The following LRMDA variants were observed in gnomAD, a reference collection of about 807,000 sequenced individuals.
LRMDA encodes leucine rich melanocyte differentiation associated.
LRMDA carries 18 observed loss-of-function variants against 29.8 expected under a neutral mutation model. The observed-to-expected ratio is 0.60, with a 90% confidence interval of 0.42 to 0.90. The LOEUF (loss-of-function observed/expected upper bound fraction) is 0.90, where lower values mean the gene tolerates loss of function less well. Among genes scored for constraint, LRMDA ranks in the 40% least tolerant of loss-of-function variants. The pLI, the probability that LRMDA is intolerant of heterozygous loss-of-function variation, is 0.00. For missense variants in LRMDA, 273 were observed against 273.9 expected (o/e 1.00, Z 0.02); for synonymous variants, 125 against 109.4 (o/e 1.14, Z -0.89).
chr10:75,837,934 T>A (rs565210907), intron 2 of LRMDA, among the ~76,000 whole-genome samples: 1 of 152,306 alleles, frequency 6.6e-6, no homozygotes, highest in South Asian at 2.1e-4. Flanking sequence ...CTTTTTTTGT[T>A]GTTGGGTAGA....
At chr10:75,608,135 CACAT>C (rs1840982406) in intron 2 of LRMDA, among the ~76,000 whole-genome samples, 2 of 65,688 alleles carry the variant, frequency 3.0e-5, no homozygotes, top group South Asian at 1.2e-3. Flanking sequence ...TATATACACA[CACAT>C]ACACAAAGCA....
rs754798289 is a variant in LRMDA at position 76,557,222 on chromosome 10, G to T, written c.615G>T (p.Lys205Asn). The change falls in exon 7 of 7, where the codon AAG becomes AAT. Residue 205 changes from lysine (K) to asparagine (N), a missense_variant. Coordinates refer to ENST00000611255, the MANE Select transcript of LRMDA (RefSeq NM_001305581.2). ...ELTSHQGVLG[K>N]CRYVYYGKNS... ...TTTTATTTGCAGGTGTCCTGGGGAAGTGTCGCTACGTTTACTATGGGAAAA... is the reference window on the plus strand; with the variant it reads ...TTTTATTTGCAGGTGTCCTGGGGAATTGTCGCTACGTTTACTATGGGAAAA... 2 of 1,614,018 alleles carry T rather than the reference G, an allele frequency of 1.2e-6. No homozygotes were observed. The highest frequency in any genetic ancestry group is 1.7e-6 in the Non-Finnish European group (2 of 1,179,982).
intron 6 of LRMDA, among the ~76,000 whole-genome samples, chr10:76,358,949 T>C (rs973725310): frequency 6.6e-6 from 1 of 152,208 alleles, no homozygotes; most frequent in Admixed American, 6.5e-5. Flanking sequence ...TGGAACTGTG[T>C]GCTCTGCCTC....
chr10:76,073,815 T>C (rs747949896), intron 5 of LRMDA, among the ~76,000 whole-genome samples: 3 of 152,152 alleles, frequency 2.0e-5, no homozygotes, highest in Non-Finnish European at 4.4e-5. Context: ...TAGAGTCTTA[T>C]TGGTGGGTAT....
chr10:76,483,036 T>C (rs1345955318), intron 6 of LRMDA, among the ~76,000 whole-genome samples: 1 of 151,990 alleles, frequency 6.6e-6, no homozygotes, highest in African/African-American at 2.4e-5. Context: ...ATTTCCTCTA[T>C]TGTGAAATGG....
chr10:75,592,997 C>T (rs1840742994), intron 2 of LRMDA, among the ~76,000 whole-genome samples: 1 of 152,076 alleles, frequency 6.6e-6, no homozygotes, highest in South Asian at 2.1e-4. Flanking sequence ...CATCTCCACC[C>T]CCTCCTCCTC....
At chr10:75,524,864 C>T (rs1284616436) in intron 2 of LRMDA, among the ~76,000 whole-genome samples, 3 of 151,836 alleles carry the variant, frequency 2.0e-5, no homozygotes, top group African/African-American at 7.3e-5. Context: ...AGAAAGATAC[C>T]CAAGAAGCCT....
In LRMDA at chr10:75,457,737, C is replaced by T. The variant is rs189380475; in HGVS notation, c.131+19243C>T. 3.4e-3 allele frequency among the ~76,000 whole-genome samples: 520 copies of T among 152,302 alleles called. 21 individuals are homozygous for T. Among genetic ancestry groups the T allele is most frequent in the Admixed American group, 0.033 (503 of 15,292 alleles). ...CTCTTGCTGCTGCCGTTTATCTGGA[C>T]GGCATTTTCCATCAGTTACAGGCAA... On this transcript the variant is annotated intron_variant, in intron 2 of 6. Transcript: ENST00000611255.
intron 6 of LRMDA, among the ~76,000 whole-genome samples, chr10:76,520,791 G>A (rs920274843): frequency 2.6e-5 from 4 of 152,168 alleles, no homozygotes; most frequent in Non-Finnish European, 5.9e-5. Flanking sequence ...TTCTTTGCCA[G>A]GGATATTTTT....
chr10:76,063,284 G>GACATGTCACTT (rs1848731832), intron 5 of LRMDA, among the ~76,000 whole-genome samples: 1 of 152,188 alleles, frequency 6.6e-6, no homozygotes, highest in Non-Finnish European at 1.5e-5. Flanking sequence ...TGTCTTTGAA[G>GACATGTCACTT]ACATGTCACT....
chr10:76,308,466 T>G (rs576975202), intron 5 of LRMDA, among the ~76,000 whole-genome samples: 1 of 152,222 alleles, frequency 6.6e-6, no homozygotes, highest in Admixed American at 6.5e-5. Context: ...TTGTTTCCCC[T>G]CCCAAGACTA....
At chr10:76,406,848 G>C (rs1316421948) in intron 6 of LRMDA, among the ~76,000 whole-genome samples, 4 of 152,104 alleles carry the variant, frequency 2.6e-5, no homozygotes, top group African/African-American at 9.7e-5. Flanking sequence ...GATGGTCTTT[G>C]ATCCTACTCA....
chr10:76,201,362 G>A (rs1045472840), intron 5 of LRMDA, among the ~76,000 whole-genome samples: 1 of 152,154 alleles, frequency 6.6e-6, no homozygotes, highest in African/African-American at 2.4e-5. Flanking sequence ...CAAAGTGCAG[G>A]GATTACAGGC....
chr10:76,178,613 A>C (rs1322459530), intron 5 of LRMDA, among the ~76,000 whole-genome samples: 3 of 152,178 alleles, frequency 2.0e-5, no homozygotes, highest in Non-Finnish European at 4.4e-5. Context: ...GAATAGGAGA[A>C]ACTTCCCTAC....
intron 5 of LRMDA, among the ~76,000 whole-genome samples, chr10:76,090,457 A>G (rs1460540519): frequency 6.6e-6 from 1 of 152,234 alleles, no homozygotes; most frequent in Non-Finnish European, 1.5e-5. Context: ...GCTATGGAAT[A>G]GTATGGTGGT....
chr10:75,798,142 C>A (rs1002928647), intron 2 of LRMDA, among the ~76,000 whole-genome samples: 2 of 151,904 alleles, frequency 1.3e-5, no homozygotes, highest in Non-Finnish European at 2.9e-5. Flanking sequence ...AATCCTTTGC[C>A]CCTTTTAAAA....
intron 6 of LRMDA, among the ~76,000 whole-genome samples, chr10:76,399,103 G>A (rs1196805819): frequency 6.6e-6 from 1 of 152,168 alleles, no homozygotes; most frequent in Admixed American, 6.5e-5. Context: ...GTGATTTAGA[G>A]CAAGGCTCAG....
At chr10:76,421,990 G>C (rs749771628) in intron 6 of LRMDA, among the ~76,000 whole-genome samples, 1 of 152,146 alleles carries the variant, frequency 6.6e-6, no homozygotes, top group Non-Finnish European at 1.5e-5. Flanking sequence ...TCCAGTTAGG[G>C]ATTTATTCCA....
intron 2 of LRMDA, among the ~76,000 whole-genome samples, chr10:75,903,321 G>A (rs1589247521): frequency 1.3e-5 from 2 of 152,180 alleles, no homozygotes; most frequent in African/African-American, 4.8e-5. Context: ...GTGTCGGGAA[G>A]CACATCAGAC....
Sources: gnomAD v4.1 joint callset for allele counts (sites outside exome capture counted in the v4.1 genomes callset) on GRCh38, gnomAD v4.1.1 for gene constraint, MANE v1.5 for transcripts, NCBI Gene and HGNC (gene_info 2026-07-23, HGNC 2026-07-21) for gene names.